The following CDRT4 variants were observed in gnomAD, a reference collection of about 807,000 sequenced individuals.
CDRT4 encodes CMT1A duplicated region transcript 4.
For synonymous variants in CDRT4, 64 were observed against 69.6 expected (o/e 0.92, Z 0.40); for missense variants, 167 against 193.1 (o/e 0.87, Z 0.80).
chr17:15,462,314 G>A (rs1402954015), intron 1 of CDRT4, among the ~76,000 whole-genome samples: 3 of 150,762 alleles, frequency 2.0e-5, no homozygotes, highest in African/African-American at 7.3e-5. Flanking sequence ...TGTAGTCCCA[G>A]CTACTCGGGA....
intron 2 of CDRT4, chr17:15,444,338 A>C: frequency 2.3e-6 from 1 of 440,816 alleles, no homozygotes; most frequent in South Asian, 2.5e-5. Context: ...GTGGTCCCCA[A>C]ACTTTGCAGC....
intron 3 of CDRT4, among the ~76,000 whole-genome samples, chr17:15,439,589 C>A (rs1433741355): frequency 6.6e-6 from 1 of 152,208 alleles, no homozygotes; most frequent in African/African-American, 2.4e-5. Flanking sequence ...GCAAAATGAG[C>A]AGCAACCCCG....
chr17:15,466,075 G>A (rs1980029053), intron 1 of CDRT4, among the ~76,000 whole-genome samples: 1 of 151,790 alleles, frequency 6.6e-6, no homozygotes, highest in Non-Finnish European at 1.5e-5. Flanking sequence ...GGGAGGGAGG[G>A]CAGAGCCTAC....
At chr17:15,452,563 T>C (rs903511030) in intron 2 of CDRT4, 22 of 152,264 alleles carry the variant, frequency 1.4e-4, no homozygotes, top group African/African-American at 5.3e-4. Flanking sequence ...CCGCCAAATA[T>C]GGCTCCAGGG....
intron 1 of CDRT4, among the ~76,000 whole-genome samples, chr17:15,465,605 T>G (rs1185538432): frequency 6.7e-6 from 1 of 150,050 alleles, no homozygotes; most frequent in Non-Finnish European, 1.5e-5. Flanking sequence ...CAGACACACA[T>G]ACACCAGCAC....
chr17:15,438,261 C>CAAAAAAAAAA, intron 3 of CDRT4, 61 bp from the exon 4 acceptor site: 2 of 1,528,808 alleles, frequency 1.3e-6, no homozygotes, highest in Admixed American at 4.0e-5. Flanking sequence ...CTTGATTCTT[C>CAAAAAAAAAA]AAAAAATGGG....
intron 1 of CDRT4, among the ~76,000 whole-genome samples, chr17:15,456,403 C>T (rs541078668): frequency 6.6e-6 from 1 of 152,160 alleles, no homozygotes; most frequent in African/African-American, 2.4e-5. Flanking sequence ...CTTTTGAAAA[C>T]TAAGTAAAAA....
intron 1 of CDRT4, among the ~76,000 whole-genome samples, chr17:15,455,366 G>A (rs1289878850): frequency 6.6e-6 from 1 of 152,208 alleles, no homozygotes; most frequent in Non-Finnish European, 1.5e-5. Context: ...TAACAGAACT[G>A]CAAAGGTGAC....
In CDRT4 at chr17:15,460,794, C is replaced by T. The variant is rs567616508; in HGVS notation, c.-130+6666G>A. Reference sequence around the variant, plus strand: ...CCCTTTCCAAGGGTTTCCTCAGAGCCCTTGGGATGAAATCCAAACTCCTTC... The same window carrying T: ...CCCTTTCCAAGGGTTTCCTCAGAGCTCTTGGGATGAAATCCAAACTCCTTC... On this transcript the variant is annotated intron_variant, in intron 1 of 3. Transcript: ENST00000619038. Among the ~76,000 whole-genome samples, 5 of 152,268 alleles carry T rather than the reference C, an allele frequency of 3.3e-5. No homozygotes were observed. The South Asian group carries it at 1.0e-3, about 32-fold the overall frequency.
At chr17:15,444,236 C>G (rs1036908974) in intron 2 of CDRT4, 4 of 680,672 alleles carry the variant, frequency 5.9e-6, no homozygotes, top group African/African-American at 5.4e-5. Context: ...CCGGATGATT[C>G]CTAAGACCTA....
Position 15,464,821 on chromosome 17 carries a change from T to G in CDRT4, c.-130+2639A>C, listed in dbSNP as rs1979920723. Reference sequence around the variant, plus strand: ...GGTTGCTCTTTCACTCACTCCAGCCTGGCATCCACACTCGCAGCTCTGCTG... The same window carrying G: ...GGTTGCTCTTTCACTCACTCCAGCCGGGCATCCACACTCGCAGCTCTGCTG... On this transcript the variant is annotated intron_variant, in intron 1 of 3. Transcript: ENST00000619038. This position sits in a 1 kb window ranked among gnomAD's most constrained non-coding sequence, Gnocchi z 4.5. Among the ~76,000 whole-genome samples, 1 of 152,116 alleles carries G rather than the reference T, an allele frequency of 6.6e-6. No individual in the cohort carries two copies. Among genetic ancestry groups the G allele is most frequent in the African/African-American group, 2.4e-5 (1 of 41,408 alleles).
intron 2 of CDRT4, among the ~76,000 whole-genome samples, chr17:15,452,803 A>T (rs1308360120): frequency 6.6e-6 from 1 of 152,200 alleles, no homozygotes; most frequent in East Asian, 1.9e-4. Flanking sequence ...TCTGAACCTT[A>T]TCTATCAAGG....
At chr17:15,460,301 C>T (rs1979689748) in intron 1 of CDRT4, among the ~76,000 whole-genome samples, 2 of 152,170 alleles carry the variant, frequency 1.3e-5, no homozygotes, top group Admixed American at 6.5e-5. Flanking sequence ...CCCTCATCTT[C>T]AAAATCCAAT....
chr17:15,446,850 T>C (rs1229580696), intron 2 of CDRT4, among the ~76,000 whole-genome samples: 3 of 152,204 alleles, frequency 2.0e-5, no homozygotes, highest in Admixed American at 6.5e-5. Context: ...TCTGTAACGA[T>C]TATATGTGTA....
intron 3 of CDRT4, 33 bp downstream of exon 3, chr17:15,440,175 A>G: frequency 6.2e-7 from 1 of 1,612,476 alleles, no homozygotes; most frequent in East Asian, 2.2e-5. Flanking sequence ...GCCCCAGTGC[A>G]GGAGCTTCCA....
intron 1 of CDRT4, among the ~76,000 whole-genome samples, chr17:15,462,535 C>T (rs1302716600): frequency 6.6e-6 from 1 of 151,482 alleles, no homozygotes; most frequent in Non-Finnish European, 1.5e-5. Context: ...GGTTCCTTAG[C>T]TGGACACTGC....
intron 1 of CDRT4, among the ~76,000 whole-genome samples, chr17:15,455,479 A>C (rs1403049698): frequency 6.6e-6 from 1 of 152,250 alleles, no homozygotes; most frequent in Non-Finnish European, 1.5e-5. Context: ...CATCCTTGTG[A>C]AATCCCCTCC....
chr17:15,459,849 T>C lies in CDRT4; in HGVS notation c.-129-6764A>G, dbSNP rs546559488. Reference sequence around the variant, plus strand: ...TGCTGCCATACGGAATGATCTCCTTTGCCTCTTCTGCTTATCTCATCTGAC... The same window carrying C: ...TGCTGCCATACGGAATGATCTCCTTCGCCTCTTCTGCTTATCTCATCTGAC... On this transcript the variant is annotated intron_variant, in intron 1 of 3. Coordinates refer to ENST00000619038, the MANE Select transcript of CDRT4 (RefSeq NM_001204477.2). Among the ~76,000 whole-genome samples, 4 of 152,274 alleles carry C rather than the reference T, an allele frequency of 2.6e-5. No individual in the cohort carries two copies. The South Asian group carries it at 8.3e-4, about 32-fold the overall frequency.
chr17:15,445,281 C>A (rs1363261167), intron 2 of CDRT4, among the ~76,000 whole-genome samples: 1 of 152,154 alleles, frequency 6.6e-6, no homozygotes, highest in East Asian at 1.9e-4. Flanking sequence ...GCAAAAGCTG[C>A]CCTATAAAGC....
Sources: gnomAD v4.1 joint callset for allele counts (sites outside exome capture counted in the v4.1 genomes callset) on GRCh38, gnomAD v4.1.1 for gene constraint, Gnocchi (gnomAD v3.1) non-coding constraint, MANE v1.5 for transcripts, NCBI Gene and HGNC (gene_info 2026-07-23, HGNC 2026-07-21) for gene names.